Variants in THRB observed in about 807,000 individuals in gnomAD.
The protein encoded by THRB is nuclear receptor subfamily 1 group A member 2.
A neutral mutation model predicts 47.8 loss-of-function variants in THRB; 12 were observed. That is an observed-to-expected ratio of 0.25 (90% CI 0.16 to 0.41). THRB has a LOEUF of 0.41. Among genes scored for constraint, THRB ranks in the 10% least tolerant of loss-of-function variants. THRB has a pLI of 1.00. For missense variants in THRB, 348 were observed against 589.2 expected (o/e 0.59, Z 4.24); for synonymous variants, 218 against 212.2 (o/e 1.03, Z -0.24).
chr3:24,184,788 G>C (rs1319713163), intron 5 of THRB, among the ~76,000 whole-genome samples: 8 of 152,224 alleles, frequency 5.3e-5, no homozygotes, highest in African/African-American at 1.9e-4. Flanking sequence ...GTGGGGCAGA[G>C]TAGAGAGCAG....
At chr3:24,482,351 A>T (rs1696567147) in intron 1 of THRB, among the ~76,000 whole-genome samples, 1 of 152,232 alleles carries the variant, frequency 6.6e-6, no homozygotes, top group Non-Finnish European at 1.5e-5. Flanking sequence ...TTGCACAGAT[A>T]GAGTGATTGA....
chr3:24,339,044 T>C (rs962724744), intron 1 of THRB, among the ~76,000 whole-genome samples: 1 of 152,196 alleles, frequency 6.6e-6, no homozygotes, highest in East Asian at 1.9e-4. Flanking sequence ...AAGGCTTGTG[T>C]TTGTAGCAGT....
intron 8 of THRB, among the ~76,000 whole-genome samples, chr3:24,137,367 T>C (rs2148937188): frequency 6.6e-6 from 1 of 152,222 alleles, no homozygotes; most frequent in South Asian, 2.1e-4. Context: ...TGCATTGTAG[T>C]GAGGGGAGAT....
In THRB at chr3:24,388,477, T is replaced by A. The variant is rs1365382239; in HGVS notation, c.-260-51106A>T. ...GAATGGAATTTTAAGACAGCACACA[T>A]CATAACCCAAAGGTTGGTCCCTAGA... is the stretch of plus-strand genomic sequence containing the variant. On this transcript the variant is annotated intron_variant, in intron 1 of 10. Coordinates refer to ENST00000646209, the MANE Select transcript of THRB (RefSeq NM_001354712.2). Among the ~76,000 whole-genome samples the A allele has an allele frequency of 2.0e-5, 3 of 152,226 alleles. No individual in the cohort carries two copies. In the East Asian group the frequency reaches 5.8e-4, roughly 29 times the overall value.
chr3:24,386,846 A>G (rs1298211040), intron 1 of THRB, among the ~76,000 whole-genome samples: 1 of 152,180 alleles, frequency 6.6e-6, no homozygotes, highest in Non-Finnish European at 1.5e-5. Flanking sequence ...CTATACAAAG[A>G]GGAAGATAAC....
intron 10 of THRB, 65 bp from the exon 11 acceptor site, chr3:24,123,190 A>G (rs879935876): frequency 7.0e-5 from 113 of 1,607,884 alleles, no homozygotes; most frequent in Non-Finnish European, 9.4e-5. Context: ...GCTTTGTCCA[A>G]TTCCAGGCCT....
intron 1 of THRB, among the ~76,000 whole-genome samples, chr3:24,425,237 T>A (rs1164221631): frequency 6.6e-6 from 1 of 151,918 alleles, no homozygotes; most frequent in Non-Finnish European, 1.5e-5. Context: ...TAGCAAGGGA[T>A]GAGAATGCCA....
chr3:24,325,547 TGTG>T (rs1345515947), intron 2 of THRB, among the ~76,000 whole-genome samples: 1 of 152,154 alleles, frequency 6.6e-6, no homozygotes, highest in Admixed American at 6.5e-5. Flanking sequence ...ATTAGCTGGG[TGTG>T]GTGGTGCCTG....
intron 6 of THRB, among the ~76,000 whole-genome samples, 192 bp downstream of exon 6, chr3:24,152,198 A>G (rs1575434986): frequency 6.6e-6 from 1 of 152,242 alleles, no homozygotes; most frequent in Non-Finnish European, 1.5e-5. Flanking sequence ...GTTATTTATG[A>G]TTTGGGAAAA....
chr3:24,386,867 T>C (rs1431785405), intron 1 of THRB, among the ~76,000 whole-genome samples: 1 of 152,094 alleles, frequency 6.6e-6, no homozygotes, highest in African/African-American at 2.4e-5. Context: ...AGCCTCTATA[T>C]TGCAGGGTTG....
At chr3:24,163,997 GA>G in intron 5 of THRB, among the ~76,000 whole-genome samples, 1 of 152,036 alleles carries the variant, frequency 6.6e-6, no homozygotes, top group East Asian at 1.9e-4. Context: ...TAATTTAACA[GA>G]GAAATTTACC....
At chr3:24,367,912 G>A (rs972402763) in intron 1 of THRB, among the ~76,000 whole-genome samples, 30 of 152,158 alleles carry the variant, frequency 2.0e-4, no homozygotes, top group African/African-American at 7.2e-4. Context: ...CTAAGCCTGG[G>A]GCTCAATACA....
chr3:24,178,758 A>G (rs147431952), intron 5 of THRB, among the ~76,000 whole-genome samples: 1 of 152,264 alleles, frequency 6.6e-6, no homozygotes, highest in East Asian at 1.9e-4. Flanking sequence ...GGTGATAACT[A>G]AGGTCTGCAG....
chr3:24,227,670 G>A (rs2047801680), intron 4 of THRB, among the ~76,000 whole-genome samples: 1 of 152,214 alleles, frequency 6.6e-6, no homozygotes, highest in African/African-American at 2.4e-5. Context: ...AGAAGGCTGA[G>A]TGGCAACTTT....
At chr3:24,189,997 T>C (rs1559551380) in intron 5 of THRB, 77 bp downstream of exon 5, 4 of 1,408,952 alleles carry the variant, frequency 2.8e-6, no homozygotes, top group South Asian at 1.2e-5. Context: ...GAAATGTAGA[T>C]GAAGTACACA....
At chr3:24,316,878 C>T (rs1341409229) in intron 2 of THRB, among the ~76,000 whole-genome samples, 1 of 152,186 alleles carries the variant, frequency 6.6e-6, no homozygotes, top group Non-Finnish European at 1.5e-5. Context: ...TCAGAACTGC[C>T]CTGTCTGTTC....
chr3:24,284,960 A>G (rs1466246253), intron 3 of THRB, among the ~76,000 whole-genome samples: 1 of 152,186 alleles, frequency 6.6e-6, no homozygotes, highest in Non-Finnish European at 1.5e-5. Flanking sequence ...GTGGAGAAAT[A>G]GGAACACTTT....
At chr3:24,218,544 TG>T (rs1480771692) in intron 4 of THRB, among the ~76,000 whole-genome samples, 3 of 151,084 alleles carry the variant, frequency 2.0e-5, no homozygotes, top group Non-Finnish European at 2.9e-5. Context: ...CATTTACATT[TG>T]TTTTTTTTTT....
rs574026766 is a variant in THRB, at chr3:24,162,519, A to G, written c.284-10029T>C. On this transcript the variant is annotated intron_variant, in intron 5 of 10. Transcript: ENST00000646209. ...ATATGAAAAATAAGACAGACATTAC[A>G]TTCTGCATTTTAGGCCTCCTCAATG... is the stretch of plus-strand genomic sequence containing the variant. Among the ~76,000 whole-genome samples the G allele has an allele frequency of 1.0e-3, 155 of 152,248 alleles. 2 individuals are homozygous for G. Among genetic ancestry groups the G allele is most frequent in the Middle Eastern group, 6.8e-3 (2 of 294 alleles).
Sources: gnomAD v4.1 joint callset for allele counts (sites outside exome capture counted in the v4.1 genomes callset) on GRCh38, gnomAD v4.1.1 for gene constraint, MANE v1.5 for transcripts, NCBI Gene and HGNC (gene_info 2026-07-23, HGNC 2026-07-21) for gene names.